The following SDK1 variants were observed in gnomAD, a reference collection of about 807,000 sequenced individuals.
SDK1 encodes sidekick cell adhesion molecule 1.
A neutral mutation model predicts 245.5 loss-of-function variants in SDK1; 157 were observed. The ratio of observed to expected loss-of-function variants is 0.64; its 90% CI spans 0.56 to 0.73. The LOEUF (loss-of-function observed/expected upper bound fraction) is 0.73, where lower values mean the gene tolerates loss of function less well. SDK1 is among the 30% of genes least tolerant of loss of function. The probability of loss-of-function intolerance (pLI) is 0.00; values close to 1 mark genes in which losing one functional copy is unlikely to be tolerated. For synonymous variants in SDK1, 1,647 were observed against 1,278.5 expected, an observed-to-expected ratio of 1.29 and a Z score of -6.15; for missense variants, 3,583 against 3,002.3, an observed-to-expected ratio of 1.19 and a Z score of -4.52.
At chr7:3,523,829 C>T (rs182595140) in intron 1 of SDK1, among the ~76,000 whole-genome samples, 2 of 152,314 alleles carry the variant, frequency 1.3e-5, no homozygotes, top group Non-Finnish European at 2.9e-5. Context: ...GTTCTAATTT[C>T]ATCTTCACCA....
chr7:3,424,964 C>G (rs1272713045), intron 1 of SDK1, among the ~76,000 whole-genome samples: 1 of 151,862 alleles, frequency 6.6e-6, no homozygotes, highest in Non-Finnish European at 1.5e-5. Context: ...CAATATTTTT[C>G]TTTTTTTTGA....
At chr7:3,545,102 C>T (rs752611691) in intron 1 of SDK1, among the ~76,000 whole-genome samples, 3 of 152,104 alleles carry the variant, frequency 2.0e-5, no homozygotes, top group African/African-American at 7.2e-5. Flanking sequence ...GCAGTATTGG[C>T]ACCACATGTT....
At chr7:4,144,611 GC>G (rs1271982986) in intron 28 of SDK1, among the ~76,000 whole-genome samples, 1 of 152,052 alleles carries the variant, frequency 6.6e-6, no homozygotes, top group Non-Finnish European at 1.5e-5. Context: ...CTGGGAGGAT[GC>G]CTGTGAGCTC....
At chr7:4,138,181 G>A (rs949975013) in intron 28 of SDK1, among the ~76,000 whole-genome samples, 3 of 152,150 alleles carry the variant, frequency 2.0e-5, no homozygotes, top group East Asian at 1.9e-4. Flanking sequence ...GGATGCCGTC[G>A]TGCTTTGCAA....
At chr7:3,362,666 A>G (rs1426562727) in intron 1 of SDK1, among the ~76,000 whole-genome samples, 1 of 152,192 alleles carries the variant, frequency 6.6e-6, no homozygotes, top group Non-Finnish European at 1.5e-5. Flanking sequence ...GTAAGCCAGC[A>G]CTTTGTAGTG....
chr7:3,515,112 G>C (rs1173860449), intron 1 of SDK1, among the ~76,000 whole-genome samples: 1 of 152,096 alleles, frequency 6.6e-6, no homozygotes, highest in Non-Finnish European at 1.5e-5. Context: ...GGGGAGGCTG[G>C]TCTTGGTGGG....
intron 22 of SDK1, among the ~76,000 whole-genome samples, chr7:4,096,907 C>T (rs932971474): frequency 2.0e-5 from 3 of 152,148 alleles, no homozygotes; most frequent in African/African-American, 7.2e-5. Context: ...GATCTGTAGC[C>T]CAGGAAGAGG....
intron 4 of SDK1, among the ~76,000 whole-genome samples, chr7:3,781,445 A>G (rs534028185): frequency 5.3e-5 from 8 of 152,284 alleles, no homozygotes; most frequent in African/African-American, 1.7e-4. Flanking sequence ...ATTCCTGTCA[A>G]AGAACACCTG....
At position 3,414,724 on chromosome 7, in the gene SDK1, G is replaced by A. The variant is rs533117595; in HGVS notation, c.298+112840G>A. ...TTATCACCCCAGAAAGCAACCCTGC[G>A]CTCACTAGCAATTCCTCCTACTCCT... On this transcript the variant is annotated intron_variant, in intron 1 of 44. Coordinates refer to ENST00000404826, the MANE Select transcript of SDK1 (RefSeq NM_152744.4). 1.1e-3 allele frequency among the ~76,000 whole-genome samples: 165 copies of A among 152,182 alleles called. 1 individual carries two copies. The highest frequency in any genetic ancestry group is 1.1e-3 in the Non-Finnish European group (78 of 68,010).
At position 3,832,593 on chromosome 7, in the gene SDK1, A is replaced by G. The variant is rs141357498; in HGVS notation, c.847+11010A>G. Among the ~76,000 whole-genome samples, 562 of 152,328 alleles carry G rather than the reference A, an allele frequency of 3.7e-3. 5 individuals carry two copies. Among genetic ancestry groups the G allele is most frequent in the African/African-American group, 0.013 (546 of 41,578 alleles). ...TAACAATGCTGAAGACCATTAGCAAATCCAGAGTGCTATATTCCCTGCTTT... is the reference window on the plus strand; with the variant it reads ...TAACAATGCTGAAGACCATTAGCAAGTCCAGAGTGCTATATTCCCTGCTTT... On this transcript the variant is annotated intron_variant, in intron 5 of 44. Coordinates refer to ENST00000404826, the MANE Select transcript of SDK1 (RefSeq NM_152744.4).
At chr7:3,509,757 C>G (rs1782517280) in intron 1 of SDK1, among the ~76,000 whole-genome samples, 1 of 152,172 alleles carries the variant, frequency 6.6e-6, no homozygotes, top group Non-Finnish European at 1.5e-5. Context: ...TTCGGCCCTG[C>G]AGAGGATTTC....
intron 1 of SDK1, among the ~76,000 whole-genome samples, chr7:3,487,025 G>A (rs188230139): frequency 2.6e-5 from 4 of 152,214 alleles, no homozygotes; most frequent in East Asian, 3.9e-4. Context: ...GTAATGGGCC[G>A]GATGGCTTCT....
In SDK1 at chr7:4,245,712, C is replaced by T; in HGVS notation, c.6288C>T (p.Tyr2096=). Residue 2096 remains tyrosine, a synonymous_variant, in exon 44 of 45, where the codon TAC becomes TAT. Coordinates refer to ENST00000404826, the MANE Select transcript of SDK1 (RefSeq NM_152744.4). ...GGCCTAGCCCCGGCGGCCTGCACTA[C>T]TCAGACGAGGACATCTGCAACAAGT... ...PPRPSPGGLH[Y]SDEDICNKYN... The T allele has an allele frequency of 6.2e-7, 1 of 1,614,114 alleles. No individual in the cohort carries two copies. The highest frequency in any genetic ancestry group is 8.5e-7 in the Non-Finnish European group (1 of 1,179,996).
chr7:3,803,167 C>G (rs1382658080), intron 4 of SDK1, among the ~76,000 whole-genome samples: 2 of 152,120 alleles, frequency 1.3e-5, no homozygotes. Flanking sequence ...GGTAGGTCAT[C>G]ATGGTTTTAA....
intron 2 of SDK1, among the ~76,000 whole-genome samples, chr7:3,623,846 T>C (rs1483745564): frequency 6.6e-6 from 1 of 152,222 alleles, no homozygotes; most frequent in Non-Finnish European, 1.5e-5. Flanking sequence ...TTTATAGTTT[T>C]CTTATGTAAC....
chr7:3,462,861 T>C (rs192368317), intron 1 of SDK1, among the ~76,000 whole-genome samples: 1 of 152,330 alleles, frequency 6.6e-6, no homozygotes, highest in Admixed American at 6.5e-5. Flanking sequence ...GACATCGTGC[T>C]TTTGGGAAAC....
chr7:3,443,065 CT>C (rs11348477), intron 1 of SDK1, among the ~76,000 whole-genome samples: 85,277 of 147,668 alleles, frequency 0.58, 24,335 homozygotes, highest in African/African-American at 0.63. Context: ...AATCTAAGTG[CT>C]TTTTTTTTTT....
chr7:4,173,685 C>T (rs1167505186), intron 32 of SDK1, among the ~76,000 whole-genome samples: 1 of 152,232 alleles, frequency 6.6e-6, no homozygotes, highest in African/African-American at 2.4e-5. Flanking sequence ...GCCAGGCCAG[C>T]CATCATGCGA....
chr7:3,648,227 C>T (rs1280367510), intron 4 of SDK1, among the ~76,000 whole-genome samples: 1 of 152,132 alleles, frequency 6.6e-6, no homozygotes, highest in Non-Finnish European at 1.5e-5. Context: ...CCATGCTGTA[C>T]TTCTCTTTCC....
Sources: gnomAD v4.1 joint callset for allele counts (sites outside exome capture counted in the v4.1 genomes callset) on GRCh38, gnomAD v4.1.1 for gene constraint, MANE v1.5 for transcripts, NCBI Gene and HGNC (gene_info 2026-07-23, HGNC 2026-07-21) for gene names.